Variants in LY86 observed in about 807,000 individuals in gnomAD.
LY86 encodes the protein MD-1, RP105-associated.
A neutral mutation model predicts 17.3 loss-of-function variants in LY86; 20 were observed. The ratio of observed to expected loss-of-function variants is 1.15; its 90% CI spans 0.81 to 1.68. The LOEUF is 1.68. Ranked by LOEUF, LY86 falls within the 40% of genes most tolerant of loss-of-function variation. LY86 has a pLI of 0.00. For missense variants in LY86, 200 were observed against 191.9 expected (o/e 1.04, Z -0.25); for synonymous variants, 74 against 70.6 (o/e 1.05, Z -0.24).
chr6:6,631,737 C>T lies in LY86; in HGVS notation c.352+5316C>T, dbSNP rs577180875. ...TAGTAAACATTTTAGGTTTTGCAGA[C>T]CATATGGTCTCTGTGGCAATTGCTC... On this transcript the variant is annotated intron_variant, in intron 3 of 4. Coordinates refer to ENST00000230568, the MANE Select transcript of LY86 (RefSeq NM_004271.4). Among the ~76,000 whole-genome samples the T allele has an allele frequency of 9.2e-5, 14 of 152,290 alleles. No homozygotes were observed. The East Asian group carries it at 2.7e-3, about 29-fold the overall frequency.
At chr6:6,601,065 C>T (rs3804468) in intron 1 of LY86, among the ~76,000 whole-genome samples, 129,892 of 152,220 alleles carry the variant, frequency 0.85, 55,500 homozygotes, top group Middle Eastern at 0.95. Context: ...TTTCAAGCAG[C>T]GGCTGATCAG....
At chr6:6,649,711 T>G in intron 4 of LY86, 34 bp downstream of exon 4, 1 of 1,278,600 alleles carries the variant, frequency 7.8e-7, no homozygotes, top group Non-Finnish European at 1.1e-6. Flanking sequence ...ATTAAATAGT[T>G]TGTTTCTTGA....
At chr6:6,628,283 T>G (rs1408577937) in intron 3 of LY86, among the ~76,000 whole-genome samples, 3 of 60,214 alleles carry the variant, frequency 5.0e-5, no homozygotes, top group Non-Finnish European at 6.1e-5. Context: ...TTCCCTCCCC[T>G]TCCTCCCTCC....
At chr6:6,598,191 A>T (rs1283741588) in intron 1 of LY86, among the ~76,000 whole-genome samples, 2 of 152,246 alleles carry the variant, frequency 1.3e-5, no homozygotes, top group East Asian at 3.8e-4. Context: ...ACTGGCCACA[A>T]ATTTGTCTTA....
At chr6:6,610,764 A>G (rs1312275810) in intron 1 of LY86, among the ~76,000 whole-genome samples, 5 of 152,296 alleles carry the variant, frequency 3.3e-5, no homozygotes, top group South Asian at 2.1e-4. Flanking sequence ...ATGTCACACT[A>G]TGAGCACAAA....
At chr6:6,625,860 C>T (rs73718614) in intron 2 of LY86, among the ~76,000 whole-genome samples, 1,607 of 152,214 alleles carry the variant, frequency 0.011, 22 homozygotes, top group African/African-American at 0.036. Flanking sequence ...CCATGGAACC[C>T]GCTGCAGCTT....
At chr6:6,638,662 T>A (rs181372709) in intron 3 of LY86, among the ~76,000 whole-genome samples, 1,592 of 152,248 alleles carry the variant, frequency 0.01, 15 homozygotes, top group Middle Eastern at 0.02. Context: ...TCTATTTTTT[T>A]TTATTATTAT....
At chr6:6,649,823 A>G (rs1172703975) in intron 4 of LY86, 146 bp downstream of exon 4, 2 of 629,778 alleles carry the variant, frequency 3.2e-6, no homozygotes, top group African/African-American at 3.8e-5. Context: ...CCATCCCTGC[A>G]AAAACCCTTT....
intron 1 of LY86, among the ~76,000 whole-genome samples, chr6:6,603,646 C>T (rs1760997888): frequency 7.2e-6 from 1 of 138,084 alleles, no homozygotes; most frequent in Non-Finnish European, 1.6e-5. Flanking sequence ...CACACACACA[C>T]ACACACACAG....
chr6:6,611,031 T>G (rs1373156318), intron 1 of LY86, among the ~76,000 whole-genome samples: 1 of 152,242 alleles, frequency 6.6e-6, no homozygotes, highest in African/African-American at 2.4e-5. Context: ...TTTTCCACTG[T>G]CCTTCCAGGG....
chr6:6,643,680 A>G (rs140895323), intron 3 of LY86, among the ~76,000 whole-genome samples: 19 of 151,934 alleles, frequency 1.3e-4, no homozygotes, highest in Middle Eastern at 3.4e-3. Flanking sequence ...ATGCACGCAC[A>G]CAAGCATGCA....
chr6:6,650,294 T>TCTG (rs1424768221), intron 4 of LY86, among the ~76,000 whole-genome samples: 1 of 152,106 alleles, frequency 6.6e-6, no homozygotes, highest in Admixed American at 6.6e-5. Context: ...TTTACATCAC[T>TCTG]CTGCTATAAG....
intron 4 of LY86, among the ~76,000 whole-genome samples, chr6:6,650,562 T>C (rs1762173554): frequency 6.6e-6 from 1 of 152,176 alleles, no homozygotes; most frequent in African/African-American, 2.4e-5. Context: ...CTCGAACTCC[T>C]GACCTCGTGA....
intron 1 of LY86, among the ~76,000 whole-genome samples, chr6:6,598,768 T>C (rs202212931): frequency 2.6e-5 from 1 of 37,794 alleles, no homozygotes; most frequent in Admixed American, 3.7e-4. Flanking sequence ...CCTTCTCCCA[T>C]TGGAAACTCA....
intron 3 of LY86, among the ~76,000 whole-genome samples, chr6:6,628,597 A>G (rs897702083): frequency 6.6e-6 from 1 of 151,890 alleles, no homozygotes; most frequent in East Asian, 1.9e-4. Context: ...GCCCCAACAG[A>G]TGAAGTGCTC....
rs768904537 is a variant in LY86 at position 6,624,946 on chromosome 6, T to C, written c.157T>C (p.Phe53Leu). Reference sequence around the variant, plus strand: ...CGTAGATCCATTACAAGATTTTGGCTTTTCTGTTGAAAAGTGTTCCAAGCA... The same window carrying C: ...CGTAGATCCATTACAAGATTTTGGCCTTTCTGTTGAAAAGTGTTCCAAGCA... ...QSCDPLQDFG[F>L]SVEKCSKQLK... is the part of the protein sequence containing the mutation. The change falls in exon 2 of 5, where the codon TTT (phenylalanine) becomes CTT (leucine). Residue 53 changes from phenylalanine to leucine, a missense_variant. Transcript: ENST00000230568. The C allele has an allele frequency of 1.1e-5, 17 of 1,561,932 alleles. No individual in the cohort carries two copies. Among genetic ancestry groups the C allele is most frequent in the Non-Finnish European group, 1.5e-5 (17 of 1,139,200 alleles).
chr6:6,645,557 G>C (rs1031958771), intron 3 of LY86, among the ~76,000 whole-genome samples: 11 of 152,046 alleles, frequency 7.2e-5, no homozygotes, highest in African/African-American at 2.2e-4. Flanking sequence ...GAAGGAGGCT[G>C]TGCCACCCTA....
At chr6:6,631,324 CG>C (rs891873157) in intron 3 of LY86, among the ~76,000 whole-genome samples, 8 of 152,174 alleles carry the variant, frequency 5.3e-5, no homozygotes, top group African/African-American at 1.9e-4. Context: ...ACAAAGCCAG[CG>C]GGGGGTGGAA....
At chr6:6,612,234 G>C (rs2326810) in intron 1 of LY86, among the ~76,000 whole-genome samples, 12,009 of 152,262 alleles carry the variant, frequency 0.079, 561 homozygotes, top group East Asian at 0.17. Context: ...TCAAGAGGGC[G>C]TGTCCAGAGT....
Sources: allele counts gnomAD v4.1 joint callset (sites outside exome capture counted in the v4.1 genomes callset), GRCh38; gene constraint gnomAD v4.1.1; transcripts MANE v1.5; gene names NCBI Gene and HGNC (gene_info 2026-07-23, HGNC 2026-07-21).